Variants in DIP2C observed in about 807,000 individuals in gnomAD.
The protein encoded by DIP2C is DIP2 acetate--CoA ligase C (putative), also known as disco-interacting protein 2 homolog C.
A neutral mutation model predicts 192.4 loss-of-function variants in DIP2C; 33 were observed. The observed-to-expected ratio is 0.17, with a 90% CI of 0.13 to 0.23. The LOEUF (loss-of-function observed/expected upper bound fraction) is 0.23. DIP2C is among the 10% of genes least tolerant of loss of function. The pLI is 1.00. For synonymous variants in DIP2C, 979 were observed against 864.1 expected (o/e 1.13, Z -2.33); for missense variants, 1,537 against 2,110.1 (o/e 0.73, Z 5.32).
intron 28 of DIP2C, among the ~76,000 whole-genome samples, chr10:342,118 C>G (rs1427680554): frequency 1.3e-5 from 2 of 152,052 alleles, no homozygotes; most frequent in Non-Finnish European, 2.9e-5. Context: ...TGCGTTTGAA[C>G]AGCAAGTCAT....
intron 29 of DIP2C, among the ~76,000 whole-genome samples, chr10:336,872 C>CGT (rs1324251911): frequency 7.2e-6 from 1 of 139,520 alleles, no homozygotes; most frequent in African/African-American, 2.7e-5. Flanking sequence ...GGTGTGTGTG[C>CGT]GCGTGTTGTG....
At chr10:486,883 C>T (rs1472219647) in intron 1 of DIP2C, among the ~76,000 whole-genome samples, 1 of 152,212 alleles carries the variant, frequency 6.6e-6, no homozygotes, top group Non-Finnish European at 1.5e-5. Flanking sequence ...AACGACAGAT[C>T]CTGCAGCTGC....
chr10:292,484 T>G (rs1232087921), intron 32 of DIP2C, among the ~76,000 whole-genome samples: 1 of 152,234 alleles, frequency 6.6e-6, no homozygotes, highest in Non-Finnish European at 1.5e-5. Flanking sequence ...AGAGTTGACA[T>G]GAGGGAACTT....
At chr10:581,513 C>G (rs1316013235) in intron 1 of DIP2C, among the ~76,000 whole-genome samples, 1 of 151,884 alleles carries the variant, frequency 6.6e-6, no homozygotes, top group South Asian at 2.1e-4. Flanking sequence ...TTAAAAGCCT[C>G]TAGAAAAAGA....
intron 1 of DIP2C, among the ~76,000 whole-genome samples, chr10:580,076 A>G (rs911806493): frequency 2.6e-5 from 4 of 152,168 alleles, no homozygotes; most frequent in Admixed American, 6.5e-5. Flanking sequence ...ATGTACATGC[A>G]TATAGCATAC....
intron 1 of DIP2C, among the ~76,000 whole-genome samples, chr10:602,918 A>C (rs1189245866): frequency 6.6e-6 from 1 of 152,118 alleles, no homozygotes; most frequent in Non-Finnish European, 1.5e-5. Flanking sequence ...CCCGCCTCTC[A>C]ACACAACAGT....
Position 581,632 on chromosome 10 carries a change from T to C in DIP2C, c.86-95102A>G, listed in dbSNP as rs139024071. On this transcript the variant is annotated intron_variant, in intron 1 of 36. Coordinates refer to ENST00000280886, the MANE Select transcript of DIP2C (RefSeq NM_014974.3). ...TGGGTTCCATTACCCTCTGAGGCCA[T>C]GGATGGAACCCACCACCACGAGAGA... is the stretch of plus-strand genomic sequence containing the variant. Among the ~76,000 whole-genome samples, 1,425 of 152,294 alleles carry C rather than the reference T, an allele frequency of 9.4e-3. 29 individuals carry two copies. Among genetic ancestry groups the C allele is most frequent in the African/African-American group, 0.033 (1,362 of 41,576 alleles).
chr10:397,164 C>G (rs1170303346), intron 10 of DIP2C, among the ~76,000 whole-genome samples: 1 of 152,100 alleles, frequency 6.6e-6, no homozygotes, highest in South Asian at 2.1e-4. Context: ...GCTGAAGTTT[C>G]TTTGCCTGGG....
chr10:334,187 C>G (rs925683766), intron 29 of DIP2C, among the ~76,000 whole-genome samples: 1 of 151,722 alleles, frequency 6.6e-6, no homozygotes. Flanking sequence ...CATGCCTGTA[C>G]TTCCAGCTAC....
intron 2 of DIP2C, among the ~76,000 whole-genome samples, chr10:480,645 G>A (rs765279567): frequency 4.6e-5 from 7 of 152,180 alleles, no homozygotes; most frequent in East Asian, 1.9e-4. Flanking sequence ...GAGACACACC[G>A]CATGGCGTAG....
chr10:457,622 A>C (rs1348580978), intron 3 of DIP2C, among the ~76,000 whole-genome samples: 2 of 152,126 alleles, frequency 1.3e-5, no homozygotes, highest in African/African-American at 2.4e-5. Flanking sequence ...GTGATGTGAC[A>C]ACAGCTCACT....
At chr10:306,588 A>G (rs1205326629) in intron 32 of DIP2C, among the ~76,000 whole-genome samples, 1 of 152,246 alleles carries the variant, frequency 6.6e-6, no homozygotes, top group Non-Finnish European at 1.5e-5. Flanking sequence ...TCAAGTGAGA[A>G]AACCACCATC....
chr10:422,350 G>A (rs560705412), intron 5 of DIP2C, among the ~76,000 whole-genome samples: 1 of 152,158 alleles, frequency 6.6e-6, no homozygotes, highest in Non-Finnish European at 1.5e-5. Context: ...TCCTAACTTT[G>A]TGCTTTTTCT....
At chr10:454,835 T>C (rs1243013318) in intron 3 of DIP2C, among the ~76,000 whole-genome samples, 1 of 152,200 alleles carries the variant, frequency 6.6e-6, no homozygotes, top group Non-Finnish European at 1.5e-5. Context: ...AAAGAGGTAG[T>C]ATACAAATGC....
At chr10:503,828 T>C (rs1845411487) in intron 1 of DIP2C, among the ~76,000 whole-genome samples, 1 of 152,238 alleles carries the variant, frequency 6.6e-6, no homozygotes, top group Non-Finnish European at 1.5e-5. Flanking sequence ...CACGGTTCTA[T>C]ATACACCTGA....
intron 1 of DIP2C, among the ~76,000 whole-genome samples, chr10:585,470 T>C (rs539143940): frequency 6.6e-4 from 100 of 152,354 alleles, no homozygotes; most frequent in African/African-American, 2.3e-3. Context: ...AGTAATTCTA[T>C]AAAACCGGGA....
intron 13 of DIP2C, among the ~76,000 whole-genome samples, 182 bp downstream of exon 13, chr10:389,809 A>G (rs61615394): frequency 2.0e-5 from 3 of 152,248 alleles, no homozygotes; most frequent in Non-Finnish European, 4.4e-5. Flanking sequence ...GAAGCCGCCC[A>G]GTCTGTAGTA....
rs114123460 is a variant in DIP2C at position 434,257 on chromosome 10, C to T, written c.394+6614G>A. Among the ~76,000 whole-genome samples, 426 of 152,234 alleles carry T rather than the reference C, an allele frequency of 2.8e-3. 2 individuals are homozygous for T. Among genetic ancestry groups the T allele is most frequent in the African/African-American group, 9.9e-3 (411 of 41,536 alleles). On this transcript the variant is annotated intron_variant, in intron 4 of 36. Transcript: ENST00000280886. ...TCTATTAAGAAAAATAAAAGTTTTT[C>T]TCCTACCTTCACTGTTCCTTCTTTG... is the stretch of plus-strand genomic sequence containing the variant.
chr10:435,572 G>A (rs567231798), intron 4 of DIP2C, among the ~76,000 whole-genome samples: 2 of 152,316 alleles, frequency 1.3e-5, no homozygotes, highest in African/African-American at 4.8e-5. Context: ...TCCAGTGTAT[G>A]GTGATTCTCC....
Sources: allele counts gnomAD v4.1 joint callset (sites outside exome capture counted in the v4.1 genomes callset), GRCh38; gene constraint gnomAD v4.1.1; transcripts MANE v1.5; gene names NCBI Gene and HGNC (gene_info 2026-07-23, HGNC 2026-07-21).